TAFA2: variants seen among roughly 807,000 people sequenced by gnomAD.
TAFA2 encodes chemokine-like protein TAFA-2.
Under a neutral mutation model 18.8 loss-of-function variants are expected in TAFA2, and 7 were observed. That is an observed-to-expected ratio of 0.37 (90% CI 0.21 to 0.70). The LOEUF is 0.70. Among genes scored for constraint, TAFA2 ranks in the 30% least tolerant of loss-of-function variants. The pLI is 0.53. For missense variants in TAFA2, 122 were observed against 158.1 expected (o/e 0.77, Z 1.23); for synonymous variants, 60 against 54.2 (o/e 1.11, Z -0.47).
At chr12:62,010,309 C>T (rs1247606261) in intron 1 of TAFA2, among the ~76,000 whole-genome samples, 1 of 152,054 alleles carries the variant, frequency 6.6e-6, no homozygotes. Context: ...GCCAGCGCGC[C>T]GCCATGCCTG....
chr12:61,866,673 C>T (rs185424735), intron 2 of TAFA2, among the ~76,000 whole-genome samples: 73 of 152,266 alleles, frequency 4.8e-4, no homozygotes, highest in African/African-American at 1.7e-3. Context: ...TATTCTCACT[C>T]TGTTCAGTGG....
chr12:61,810,728 T>G (rs1229132229), intron 2 of TAFA2, among the ~76,000 whole-genome samples: 1 of 151,262 alleles, frequency 6.6e-6, no homozygotes, highest in Non-Finnish European at 1.5e-5. Flanking sequence ...AAGGTAAAAG[T>G]GAAGTGTTGC....
chr12:62,205,852 T>A (rs966532339), intron 1 of TAFA2, among the ~76,000 whole-genome samples: 9 of 152,088 alleles, frequency 5.9e-5, no homozygotes, highest in African/African-American at 2.2e-4. Context: ...AAGGCCCTGG[T>A]GGCATGGGCT....
At chr12:62,110,093 A>C (rs1047645822) in intron 1 of TAFA2, among the ~76,000 whole-genome samples, 1 of 152,302 alleles carries the variant, frequency 6.6e-6, no homozygotes, top group South Asian at 2.1e-4. Context: ...TTGCCCATTC[A>C]GTATGATATT....
At chr12:62,174,614 G>A (rs2062499944) in intron 1 of TAFA2, among the ~76,000 whole-genome samples, 3 of 152,234 alleles carry the variant, frequency 2.0e-5, no homozygotes, top group African/African-American at 7.2e-5. Context: ...GCAGTTCAAA[G>A]AAAGATAATT....
At chr12:62,067,440 T>C (rs933323773) in intron 1 of TAFA2, among the ~76,000 whole-genome samples, 1 of 152,000 alleles carries the variant, frequency 6.6e-6, no homozygotes, top group Non-Finnish European at 1.5e-5. Context: ...GTAGTTTCAA[T>C]GTTTGAGGTC....
chr12:62,105,175 T>C (rs1054335826), intron 1 of TAFA2, among the ~76,000 whole-genome samples: 5 of 152,100 alleles, frequency 3.3e-5, no homozygotes, highest in Non-Finnish European at 7.4e-5. Context: ...ACAGAAGATA[T>C]GTGACTGCTC....
chr12:62,209,898 A>C (rs905708443), intron 1 of TAFA2, among the ~76,000 whole-genome samples: 7 of 152,206 alleles, frequency 4.6e-5, no homozygotes, highest in Non-Finnish European at 1.0e-4. Flanking sequence ...CAAGCAATTA[A>C]GTTAAAAAAT....
chr12:61,804,609 A>G, intron 2 of TAFA2, among the ~76,000 whole-genome samples: 1 of 152,082 alleles, frequency 6.6e-6, no homozygotes, highest in Non-Finnish European at 1.5e-5. Context: ...CAGTTTATCA[A>G]CACTGTTGAG....
intron 4 of TAFA2, among the ~76,000 whole-genome samples, chr12:61,737,198 A>T (rs1868318397): frequency 6.6e-6 from 1 of 151,942 alleles, no homozygotes; most frequent in Non-Finnish European, 1.5e-5. Context: ...ATTTTATATT[A>T]CCTAGTGTGC....
chr12:61,830,170 A>G (rs1269507587), intron 2 of TAFA2, among the ~76,000 whole-genome samples: 6 of 151,088 alleles, frequency 4.0e-5, no homozygotes, highest in Non-Finnish European at 8.9e-5. Context: ...CCAATGAATG[A>G]TTGGATAAAT....
chr12:62,242,990 C>A (rs73135218), intron 1 of TAFA2, among the ~76,000 whole-genome samples: 5 of 152,178 alleles, frequency 3.3e-5, no homozygotes, highest in Non-Finnish European at 7.4e-5. Flanking sequence ...TTGAAATGAG[C>A]CATTGACCTG....
intron 1 of TAFA2, among the ~76,000 whole-genome samples, chr12:62,156,876 TAAC>T (rs1488162329): frequency 2.0e-5 from 3 of 152,084 alleles, no homozygotes; most frequent in Non-Finnish European, 4.4e-5. Context: ...TGTACCCCAA[TAAC>T]TTAAGGGAAA....
chr12:61,737,745 A>G (rs2120684310), intron 4 of TAFA2, among the ~76,000 whole-genome samples: 1 of 151,952 alleles, frequency 6.6e-6, no homozygotes, highest in South Asian at 2.1e-4. Flanking sequence ...GTATTTTTAA[A>G]ATAAATTTAT....
intron 2 of TAFA2, among the ~76,000 whole-genome samples, chr12:61,779,086 A>C (rs2120877377): frequency 6.6e-6 from 1 of 152,012 alleles, no homozygotes; most frequent in Non-Finnish European, 1.5e-5. Flanking sequence ...TGGAAAACAA[A>C]CCACATTTAT....
chr12:62,180,647 C>G (rs1592386411), intron 1 of TAFA2, among the ~76,000 whole-genome samples: 2 of 152,048 alleles, frequency 1.3e-5, no homozygotes, highest in East Asian at 3.9e-4. Flanking sequence ...AATTTAGAAG[C>G]CTTACTTAAC....
intron 1 of TAFA2, among the ~76,000 whole-genome samples, chr12:62,251,659 T>C (rs1029062212): frequency 1.3e-5 from 2 of 152,182 alleles, no homozygotes; most frequent in African/African-American, 4.8e-5. Context: ...TGTAATTAAT[T>C]TATAAAAAGA....
intron 1 of TAFA2, among the ~76,000 whole-genome samples, chr12:62,101,360 G>A (rs141517653): frequency 2.4e-3 from 368 of 152,156 alleles, no homozygotes; most frequent in Non-Finnish European, 3.7e-3. Flanking sequence ...ATACATCTCT[G>A]ATCCATAACC....
intron 1 of TAFA2, among the ~76,000 whole-genome samples, chr12:62,246,656 CAAAA>C (rs1242002690): frequency 4.6e-5 from 7 of 152,076 alleles, no homozygotes; most frequent in Non-Finnish European, 1.0e-4. Flanking sequence ...TATTTAGAAA[CAAAA>C]AGATTCAGAA....
Sources: gnomAD v4.1 joint callset for allele counts (sites outside exome capture counted in the v4.1 genomes callset) on GRCh38, gnomAD v4.1.1 for gene constraint, MANE v1.5 for transcripts, NCBI Gene and HGNC (gene_info 2026-07-23, HGNC 2026-07-21) for gene names.